Variants in PBX1 observed in about 807,000 individuals in gnomAD.
The protein encoded by PBX1 is pre-B-cell leukemia transcription factor 1.
PBX1 carries 6 observed loss-of-function variants against 53.4 expected under a neutral mutation model. That is an observed-to-expected ratio of 0.11 (90% CI 0.06 to 0.22). The LOEUF is 0.22. PBX1 is among the 10% of genes least tolerant of loss of function. The pLI is 1.00. For missense variants in PBX1, 251 were observed against 551.4 expected, an observed-to-expected ratio of 0.46 and a Z score of 5.46; for synonymous variants, 204 against 212.3, an observed-to-expected ratio of 0.96 and a Z score of 0.34.
intron 2 of PBX1, among the ~76,000 whole-genome samples, chr1:164,737,112 G>T (rs1665336041): frequency 6.6e-6 from 1 of 152,160 alleles, no homozygotes; most frequent in Admixed American, 6.5e-5. Flanking sequence ...TTGACTTTTA[G>T]CAGTCCTGAG....
intron 2 of PBX1, among the ~76,000 whole-genome samples, chr1:164,587,775 G>C (rs1381087598): frequency 6.6e-6 from 1 of 152,098 alleles, no homozygotes; most frequent in Non-Finnish European, 1.5e-5. Context: ...GCAGCAGTCC[G>C]GCACATACAG....
intron 2 of PBX1, among the ~76,000 whole-genome samples, chr1:164,759,465 G>T (rs1194360499): frequency 6.6e-6 from 1 of 152,180 alleles, no homozygotes; most frequent in East Asian, 1.9e-4. Flanking sequence ...AGAATCCTGG[G>T]TGGCTGGTTC....
At chr1:164,878,690 T>C (rs1461184124) in intron 2 of PBX1, among the ~76,000 whole-genome samples, 3 of 151,996 alleles carry the variant, frequency 2.0e-5, no homozygotes, top group East Asian at 1.9e-4. Flanking sequence ...AAAAAAAATC[T>C]AAATATGAAG....
At chr1:164,807,756 T>C in intron 5 of PBX1, 79 bp downstream of exon 5, 1 of 1,490,930 alleles carries the variant, frequency 6.7e-7, no homozygotes. Flanking sequence ...AGGTCTTGCT[T>C]TACTGGACAT....
At chr1:164,766,821 G>A (rs1042930933) in intron 2 of PBX1, among the ~76,000 whole-genome samples, 2 of 151,138 alleles carry the variant, frequency 1.3e-5, no homozygotes, top group Non-Finnish European at 1.5e-5. Context: ...TTGCCTCCCG[G>A]GTTCAAGCGA....
intron 2 of PBX1, among the ~76,000 whole-genome samples, chr1:164,585,424 A>C (rs894341532): frequency 6.6e-6 from 1 of 152,190 alleles, no homozygotes; most frequent in Non-Finnish European, 1.5e-5. Flanking sequence ...CCTCCTCATC[A>C]GCCCCACTCA....
At chr1:164,600,962 C>T (rs1240426862) in intron 2 of PBX1, among the ~76,000 whole-genome samples, 2 of 152,050 alleles carry the variant, frequency 1.3e-5, no homozygotes, top group Non-Finnish European at 2.9e-5. Flanking sequence ...CAGGGCTGGG[C>T]GCAGTGGCTC....
At chr1:164,742,468 G>A (rs1401879763) in intron 2 of PBX1, among the ~76,000 whole-genome samples, 1 of 152,138 alleles carries the variant, frequency 6.6e-6, no homozygotes, top group African/African-American at 2.4e-5. Context: ...CTTGAACCTG[G>A]GAGGCAAAGG....
intron 2 of PBX1, among the ~76,000 whole-genome samples, chr1:164,727,105 ACC>A (rs3037562): frequency 0.043 from 6,569 of 152,142 alleles, 257 homozygotes; most frequent in East Asian, 0.14. Flanking sequence ...TAAGTTACAC[ACC>A]CCTAGGGATG....
chr1:164,770,080 G>A (rs1667286838), intron 2 of PBX1: 1 of 152,130 alleles, frequency 6.6e-6, no homozygotes, highest in Non-Finnish European at 1.5e-5. Flanking sequence ...TTGATGTGTG[G>A]GTCAGCATAG....
intron 8 of PBX1, among the ~76,000 whole-genome samples, chr1:164,837,977 C>G (rs1671121385): frequency 6.6e-6 from 1 of 152,148 alleles, no homozygotes; most frequent in Non-Finnish European, 1.5e-5. Flanking sequence ...GCAACAGATT[C>G]ATTAGAAAAG....
chr1:164,729,767 T>G (rs1664885918), intron 2 of PBX1, among the ~76,000 whole-genome samples: 1 of 152,224 alleles, frequency 6.6e-6, no homozygotes, highest in Admixed American at 6.5e-5. Flanking sequence ...TCTGTGCTTT[T>G]GATCAGTACA....
In PBX1 at chr1:164,792,483, T is replaced by G. The variant is rs1668564602; in HGVS notation, c.266-11T>G. 1.2e-6 allele frequency: 2 copies of G among 1,613,636 alleles called. No individual in the cohort carries two copies. Among genetic ancestry groups the G allele is most frequent in the Non-Finnish European group, 1.7e-6 (2 of 1,179,982 alleles). On this transcript the variant is annotated splice_polypyrimidine_tract_variant and intron_variant, in intron 2 of 8. Transcript: ENST00000420696. ...TACTATTAACGCTCCCTTCCCTGTC[T>G]TTTTCTGTAGTTTTGAGTATCCGAG... is the stretch of plus-strand genomic sequence containing the variant.
chr1:164,672,904 G>A (rs1236650935), intron 2 of PBX1, among the ~76,000 whole-genome samples: 1 of 152,144 alleles, frequency 6.6e-6, no homozygotes, highest in Non-Finnish European at 1.5e-5. Context: ...GGAGTGAGAT[G>A]TCATCCTTTT....
At chr1:164,700,836 A>T (rs1268692924) in intron 2 of PBX1, 2 of 594,184 alleles carry the variant, frequency 3.4e-6, no homozygotes, top group African/African-American at 2.0e-5. Flanking sequence ...GTATATTGCC[A>T]CTTAGCTGAT....
intron 2 of PBX1, chr1:164,625,905 T>A: frequency 9.8e-7 from 1 of 1,023,430 alleles, no homozygotes. Flanking sequence ...GCATAATAGG[T>A]CTTTGTTTCT....
rs564542781 is a variant in PBX1, at chr1:164,663,234, C to T, written c.265+99923C>T. On this transcript the variant is annotated intron_variant, in intron 2 of 8. Transcript: ENST00000420696. ...CCTGCCTTCCTGCCTTCCTGCCTTC[C>T]TTCCTTCCTGCCTTCCTGCCTGCCT... is the stretch of plus-strand genomic sequence containing the variant. 2.9e-4 allele frequency among the ~76,000 whole-genome samples: 42 copies of T among 144,230 alleles called. No individual in the cohort carries two copies. The South Asian group carries it at 9.9e-3, about 34-fold the overall frequency. The allele number at this position is 144,230 out of a possible 152,430, so 94.6% of individuals were successfully genotyped here.
chr1:164,735,224 A>C (rs1665201449), intron 2 of PBX1, among the ~76,000 whole-genome samples: 1 of 152,246 alleles, frequency 6.6e-6, no homozygotes, highest in Non-Finnish European at 1.5e-5. Flanking sequence ...CATTGTAAGA[A>C]TGTATTGACT....
At position 164,849,142 on chromosome 1, in the gene PBX1, G is replaced by C. The variant is rs181559889; in HGVS notation, c.*2466G>C. The C allele has an allele frequency of 4.3e-6, 6 of 1,387,258 alleles. No individual in the cohort carries two copies. Among genetic ancestry groups the C allele is most frequent in the Admixed American group, 6.1e-5 (2 of 32,988 alleles). 85.9% of individuals were successfully genotyped at this position (1,387,258 alleles called of 1,614,324 possible). A position where few individuals can be genotyped will look rare whatever the true frequency, so the allele number is the denominator to read the frequency against. ...GACTTAGGGCAAAGTACGAAAGAGA[G>C]ACAAAAGGGTTCTCTTGGAAACAAG... On this transcript the variant is annotated 3_prime_UTR_variant, in exon 9 of 9. Coordinates refer to ENST00000420696, the MANE Select transcript of PBX1 (RefSeq NM_002585.4).
Sources: gnomAD v4.1 joint callset for allele counts (sites outside exome capture counted in the v4.1 genomes callset) on GRCh38, gnomAD v4.1.1 for gene constraint, MANE v1.5 for transcripts, NCBI Gene and HGNC (gene_info 2026-07-23, HGNC 2026-07-21) for gene names.